Variants in NSMCE2 observed in about 807,000 individuals in gnomAD.
NSMCE2 encodes the protein NSE2 SUMO ligase component of SMC5/6 complex.
Under a neutral mutation model 23.8 loss-of-function variants are expected in NSMCE2, and 24 were observed. The ratio of observed to expected loss-of-function variants is 1.01; its 90% CI spans 0.73 to 1.42. The LOEUF (loss-of-function observed/expected upper bound fraction) is 1.42, where lower values mean the gene tolerates loss of function less well. Among genes scored for constraint, NSMCE2 ranks in the 40% most tolerant of loss-of-function variants. The pLI is 0.00. For missense variants in NSMCE2, 284 were observed against 296.5 expected (o/e 0.96, Z 0.31); for synonymous variants, 92 against 94.1 (o/e 0.98, Z 0.13).
chr8:125,216,140 G>T (rs750546378), intron 5 of NSMCE2, among the ~76,000 whole-genome samples: 1 of 152,190 alleles, frequency 6.6e-6, no homozygotes, highest in Non-Finnish European at 1.5e-5. Flanking sequence ...CTATGTTGTA[G>T]CATGTATTAC....
chr8:125,150,800 A>G (rs904291134), intron 3 of NSMCE2, among the ~76,000 whole-genome samples: 10 of 152,196 alleles, frequency 6.6e-5, no homozygotes, highest in South Asian at 2.1e-4. Context: ...TGCAACAGAT[A>G]TAAGACAGAG....
At chr8:125,295,537 T>A in intron 5 of NSMCE2, among the ~76,000 whole-genome samples, 1 of 152,216 alleles carries the variant, frequency 6.6e-6, no homozygotes, top group East Asian at 1.9e-4. Flanking sequence ...GTCGGAATTC[T>A]CTTCATTGGG....
chr8:125,175,890 G>A (rs1467472248), intron 4 of NSMCE2, among the ~76,000 whole-genome samples: 4 of 152,170 alleles, frequency 2.6e-5, no homozygotes, highest in Non-Finnish European at 5.9e-5. Context: ...TAGTTTCAGC[G>A]TGGATGAGGA....
intron 1 of NSMCE2, 72 bp from the exon 2 acceptor site, chr8:125,101,979 A>C (rs2130356438): frequency 5.9e-6 from 1 of 170,886 alleles, no homozygotes; most frequent in African/African-American, 2.4e-5. Flanking sequence ...GCATCATATG[A>C]GTGGTCTACT....
chr8:125,106,761 C>T (rs1170620882), intron 3 of NSMCE2, among the ~76,000 whole-genome samples: 4 of 151,466 alleles, frequency 2.6e-5, no homozygotes, highest in African/African-American at 7.3e-5. Flanking sequence ...TTTAGGAAGC[C>T]GAGGCTGGAG....
intron 5 of NSMCE2, among the ~76,000 whole-genome samples, chr8:125,322,906 A>G (rs1829510904): frequency 1.3e-5 from 2 of 152,206 alleles, no homozygotes; most frequent in African/African-American, 4.8e-5. Flanking sequence ...TAAAAATACA[A>G]GGAGTAGCTG....
At chr8:125,213,667 TTC>T (rs1040505719) in intron 5 of NSMCE2, among the ~76,000 whole-genome samples, 1 of 148,060 alleles carries the variant, frequency 6.8e-6, no homozygotes, top group African/African-American at 2.6e-5. Flanking sequence ...TTCTCTCTCT[TTC>T]TCTCTTTCTC....
chr8:125,315,946 G>A (rs1016931012), intron 5 of NSMCE2, among the ~76,000 whole-genome samples: 7 of 152,110 alleles, frequency 4.6e-5, no homozygotes, highest in Non-Finnish European at 8.8e-5. Context: ...GTGACCATAG[G>A]CACACACCAC....
chr8:125,115,729 T>TA (rs1302930353), intron 3 of NSMCE2, among the ~76,000 whole-genome samples: 52 of 150,770 alleles, frequency 3.4e-4, no homozygotes, highest in African/African-American at 1.2e-3. Context: ...TCCGTCTCAA[T>TA]AAAAAAAAAT....
intron 4 of NSMCE2, among the ~76,000 whole-genome samples, chr8:125,156,878 A>G (rs1400226843): frequency 6.6e-6 from 1 of 152,104 alleles, no homozygotes; most frequent in African/African-American, 2.4e-5. Flanking sequence ...CCTTTTTCTT[A>G]CTGTGCAGTT....
chr8:125,279,390 G>C (rs571577491), intron 5 of NSMCE2, among the ~76,000 whole-genome samples: 47 of 152,306 alleles, frequency 3.1e-4, no homozygotes, highest in African/African-American at 1.1e-3. Context: ...ATTTAAGAAT[G>C]ATAATGATAA....
chr8:125,174,901 G>A (rs1330886279), intron 4 of NSMCE2, among the ~76,000 whole-genome samples: 1 of 152,182 alleles, frequency 6.6e-6, no homozygotes, highest in Non-Finnish European at 1.5e-5. Flanking sequence ...TGGTCCAATA[G>A]AGTTCAGTGT....
intron 4 of NSMCE2, among the ~76,000 whole-genome samples, chr8:125,173,321 A>C (rs993611486): frequency 6.6e-6 from 1 of 152,154 alleles, no homozygotes; most frequent in African/African-American, 2.4e-5. Flanking sequence ...ATTAGGTGTG[A>C]TGAGGGGGAG....
intron 7 of NSMCE2, among the ~76,000 whole-genome samples, chr8:125,361,537 C>A (rs754107130): frequency 6.6e-6 from 1 of 152,184 alleles, no homozygotes; most frequent in Non-Finnish European, 1.5e-5. Flanking sequence ...AGCCATTCAA[C>A]CTTTCTGCCT....
intron 5 of NSMCE2, among the ~76,000 whole-genome samples, chr8:125,337,884 C>CAAAA (rs35658538): frequency 3.1e-4 from 30 of 97,250 alleles, no homozygotes; most frequent in East Asian, 6.3e-4. Context: ...AACTCTATCT[C>CAAAA]AAAAAAAAAA....
At chr8:125,245,916 C>T (rs575920149) in intron 5 of NSMCE2, among the ~76,000 whole-genome samples, 2 of 151,582 alleles carry the variant, frequency 1.3e-5, no homozygotes, top group South Asian at 2.1e-4. Context: ...CCCAGCTACT[C>T]GGGAGGCTGA....
intron 5 of NSMCE2, among the ~76,000 whole-genome samples, chr8:125,223,434 G>T (rs1824957858): frequency 6.6e-6 from 1 of 152,172 alleles, no homozygotes; most frequent in South Asian, 2.1e-4. Flanking sequence ...GAATAATGCT[G>T]CAGTGAACGT....
chr8:125,358,563 A>T (rs958858850), intron 7 of NSMCE2, among the ~76,000 whole-genome samples: 1 of 152,126 alleles, frequency 6.6e-6, no homozygotes, highest in African/African-American at 2.4e-5. Context: ...ACGGAGGACC[A>T]TGCTCTGTTC....
chr8:125,266,685 A>T (rs546171792), intron 5 of NSMCE2, among the ~76,000 whole-genome samples: 199 of 152,326 alleles, frequency 1.3e-3, no homozygotes, highest in Middle Eastern at 0.01. Context: ...AGAATTTCAG[A>T]TCCAGTATAC....
Sources: gnomAD v4.1 joint callset for allele counts (sites outside exome capture counted in the v4.1 genomes callset) on GRCh38, gnomAD v4.1.1 for gene constraint, MANE v1.5 for transcripts, NCBI Gene and HGNC (gene_info 2026-07-23, HGNC 2026-07-21) for gene names.